The following TOP2B variants were observed in gnomAD, a reference collection of about 807,000 sequenced individuals.
The protein encoded by TOP2B is DNA topoisomerase 2-beta.
TOP2B carries 51 observed loss-of-function variants against 193.5 expected under a neutral mutation model. That is an observed-to-expected ratio of 0.26 (90% confidence interval 0.21 to 0.33). The LOEUF is 0.33. TOP2B is among the 10% of genes least tolerant of loss of function. TOP2B has a pLI of 1.00. For synonymous variants in TOP2B, 634 were observed against 635.7 expected, an observed-to-expected ratio of 1.00 and a Z score of 0.04; for missense variants, 1,378 against 1,909.3, an observed-to-expected ratio of 0.72 and a Z score of 5.19.
At chr3:25,624,850 G>GT (rs1401804668) in intron 18 of TOP2B, 47 bp from the exon 19 acceptor site, 3 of 1,570,356 alleles carry the variant, frequency 1.9e-6, no homozygotes, top group Admixed American at 1.9e-5. Context: ...AGATATAGTT[G>GT]TAACAATTCA....
chr3:25,644,049 A>G (rs1014020964), intron 2 of TOP2B, among the ~76,000 whole-genome samples: 1 of 152,150 alleles, frequency 6.6e-6, no homozygotes, highest in African/African-American at 2.4e-5. Flanking sequence ...AACAGTATTA[A>G]ATAGTTGAAA....
At position 25,609,588 on chromosome 3, in the gene TOP2B, T is replaced by C; in HGVS notation, c.3911A>G (p.Lys1304Arg). 6.2e-7 allele frequency: 1 copy of C among 1,605,890 alleles called. No homozygotes were observed. Among genetic ancestry groups the C allele is most frequent in the Non-Finnish European group, 8.5e-7 (1 of 1,175,856 alleles). ...CTCACCAGGCTCCTTCTTCTCCCTC[T>C]TAGGTTTGGGACCTTTATTTATAGG... ...SVPINKGPKP[K>R]REKKEPGTRV... The change falls in exon 29 of 36, where the codon AAG (lysine) becomes AGG (arginine). Residue 1304 changes from lysine to arginine, a missense_variant. Coordinates refer to ENST00000264331, the MANE Select transcript of TOP2B (RefSeq NM_001330700.2).
chr3:25,643,657 A>G (rs1341346438), intron 3 of TOP2B, 37 bp downstream of exon 3: 1 of 1,451,576 alleles, frequency 6.9e-7, no homozygotes, highest in Non-Finnish European at 9.7e-7. Context: ...TGATGATATT[A>G]ATAGAAACAT....
chr3:25,603,731 T>G (rs1282625676), intron 33 of TOP2B, among the ~76,000 whole-genome samples: 1 of 152,196 alleles, frequency 6.6e-6, no homozygotes, highest in Non-Finnish European at 1.5e-5. Flanking sequence ...ACCAAGCCAA[T>G]CATCACTCTA....
chr3:25,606,888 CT>C (rs1702248814), intron 31 of TOP2B, among the ~76,000 whole-genome samples: 1 of 152,114 alleles, frequency 6.6e-6, no homozygotes, highest in Non-Finnish European at 1.5e-5. Context: ...TTTGTGGCTG[CT>C]TTTTTACTAG....
intron 1 of TOP2B, among the ~76,000 whole-genome samples, chr3:25,647,443 C>T (rs1275839370): frequency 6.6e-6 from 1 of 152,118 alleles, no homozygotes; most frequent in Non-Finnish European, 1.5e-5. Context: ...CAATTATTGA[C>T]ATAAAGGTTG....
intron 4 of TOP2B, among the ~76,000 whole-genome samples, chr3:25,641,181 T>C (rs940780839): frequency 1.3e-5 from 2 of 152,198 alleles, no homozygotes; most frequent in African/African-American, 2.4e-5. Flanking sequence ...TGGACTAATA[T>C]GGCCAGAACC....
chr3:25,599,414 T>A, intron 35 of TOP2B, 21 bp downstream of exon 35: 1 of 1,609,072 alleles, frequency 6.2e-7, no homozygotes, highest in South Asian at 1.1e-5. Flanking sequence ...TGCACTAATA[T>A]GCAATGATGT....
At position 25,633,917 on chromosome 3, in the gene TOP2B, C is replaced by G; in HGVS notation, c.950G>C (p.Arg317Thr). ...LKVIHELANERWDVCLTLSEK... is the reference protein window; with the variant it reads ...LKVIHELANETWDVCLTLSEK... ...ACTCAATGTGAGACAAACATCCCAT[C>G]TTTCATTTGCAAGCTCATGAATAAC... is the stretch of plus-strand genomic sequence containing the variant. The change falls in exon 8 of 36, where the codon AGA (arginine) becomes ACA (threonine). Residue 317 changes from arginine (R) to threonine (T), a missense_variant. Physicochemically the swap from Arg to Thr is moderately conservative, Grantham distance 71. This residue lies in a region of TOP2B where 222 missense variants were observed against 306.6 expected (regional missense o/e 0.72). Transcript: ENST00000264331. The G allele has an allele frequency of 6.2e-7, 1 of 1,613,258 alleles. No individual in the cohort carries two copies. The highest frequency in any genetic ancestry group is 8.5e-7 in the Non-Finnish European group (1 of 1,179,426).
Position 25,643,731 on chromosome 3 carries a change from A to G in TOP2B, c.294T>C (p.Phe98=), listed in dbSNP as rs775215649. Residue 98 remains phenylalanine, a synonymous_variant, in exon 3 of 36, where the codon TTT becomes TTC. Transcript: ENST00000264331. ...CAAAGATCTTGTATAAACCTGGCAC[A>G]AAGGTAACCTCCCTGCAATTCATTC... The part of the protein sequence containing the change: ...DVGMNCREVT[F]VPGLYKIFDE... 1 of 1,613,468 alleles carries G rather than the reference A, an allele frequency of 6.2e-7. No homozygotes were observed. Among genetic ancestry groups the G allele is most frequent in the Non-Finnish European group, 8.5e-7 (1 of 1,179,612 alleles).
intron 32 of TOP2B, 150 bp from the exon 33 acceptor site, chr3:25,605,020 C>T: frequency 1.7e-6 from 1 of 598,498 alleles, no homozygotes; most frequent in Non-Finnish European, 2.9e-6. Context: ...ATACAAACAG[C>T]TAAAAATAAA....
chr3:25,618,588 T>A, intron 24 of TOP2B, 66 bp downstream of exon 24: 1 of 1,522,924 alleles, frequency 6.6e-7, no homozygotes, highest in South Asian at 1.2e-5. Flanking sequence ...GATAAAAATG[T>A]CTTCTATTAA....
chr3:25,663,957 G>C (rs1703998280), intron 1 of TOP2B, among the ~76,000 whole-genome samples: 1 of 152,104 alleles, frequency 6.6e-6, no homozygotes. Context: ...AGAGGAAGCG[G>C]GGGCTGTATG....
chr3:25,610,742 T>C (rs1052654093), intron 28 of TOP2B, among the ~76,000 whole-genome samples: 2 of 152,180 alleles, frequency 1.3e-5, no homozygotes, highest in African/African-American at 4.8e-5. Flanking sequence ...ATTTTCATTC[T>C]AGTAGTAAAA....
intron 18 of TOP2B, among the ~76,000 whole-genome samples, chr3:25,626,243 T>C (rs1431796156): frequency 2.0e-5 from 3 of 152,116 alleles, no homozygotes; most frequent in Non-Finnish European, 1.5e-5. Flanking sequence ...ATTTTAGAAA[T>C]TATCAAAGTT....
At chr3:25,653,813 A>C (rs1357116771) in intron 1 of TOP2B, among the ~76,000 whole-genome samples, 6 of 152,238 alleles carry the variant, frequency 3.9e-5, no homozygotes, top group African/African-American at 1.4e-4. Context: ...TATGAAAACA[A>C]ATCATTGTAC....
In TOP2B at chr3:25,618,016, G is replaced by C. The variant is rs369495393; in HGVS notation, c.3351+402C>G. 43 of 168,158 alleles carry C rather than the reference G, an allele frequency of 2.6e-4. No homozygotes were observed. In the South Asian group the frequency reaches 6.9e-3, roughly 27 times the overall value. 10.4% of individuals were successfully genotyped at this position (168,158 alleles called of 1,614,324 possible). ...CCAGTATTAACCAAAACCAGATCAA[G>C]TGAGTGGTGACTGGATGCCATACTG... On this transcript the variant is annotated intron_variant, in intron 25 of 35. Transcript: ENST00000264331.
chr3:25,605,388 A>C (rs1008588926), intron 32 of TOP2B, among the ~76,000 whole-genome samples: 4 of 152,094 alleles, frequency 2.6e-5, no homozygotes, highest in African/African-American at 7.2e-5. Context: ...TTCTTCCCTA[A>C]CACCATAGCA....
At chr3:25,635,488 T>C (rs191328614) in intron 7 of TOP2B, among the ~76,000 whole-genome samples, 1 of 152,094 alleles carries the variant, frequency 6.6e-6, no homozygotes, top group South Asian at 2.1e-4. Flanking sequence ...GTAGACAATA[T>C]GCAACTTCAG....
Sources: gnomAD v4.1 joint callset for allele counts (sites outside exome capture counted in the v4.1 genomes callset) on GRCh38, gnomAD v4.1.1 for gene constraint, gnomAD v4.1.1 regional missense constraint, MANE v1.5 for transcripts, NCBI Gene and HGNC (gene_info 2026-07-23, HGNC 2026-07-21) for gene names.